TRPC6: variants seen among roughly 807,000 people sequenced by gnomAD.
The protein encoded by TRPC6 is transient receptor potential cation channel subfamily C member 6.
In TRPC6, 55 loss-of-function variants were observed where a neutral mutation model predicts 90.7. The ratio of observed to expected loss-of-function variants is 0.61; its 90% CI spans 0.49 to 0.76. The LOEUF (loss-of-function observed/expected upper bound fraction) is 0.76, where lower values mean the gene tolerates loss of function less well. TRPC6 is among the 30% of genes least tolerant of loss of function. TRPC6 has a pLI of 0.00. For missense variants in TRPC6, 989 were observed against 1,122.7 expected (o/e 0.88, Z 1.70); for synonymous variants, 393 against 393.0 (o/e 1.00, Z 0.00).
At position 101,565,116 on chromosome 11, in the gene TRPC6, T is replaced by C. The variant is rs535009839; in HGVS notation, c.170+18218A>G. On this transcript the variant is annotated intron_variant, in intron 1 of 12. Transcript: ENST00000344327. ...TAAGATCTTTCCCTAGAAGAACACATAGGAAAAAAGCTCCTTGACATTTGT... is the reference window on the plus strand; with the variant it reads ...TAAGATCTTTCCCTAGAAGAACACACAGGAAAAAAGCTCCTTGACATTTGT... Among the ~76,000 whole-genome samples, 9 of 152,072 alleles carry C rather than the reference T, an allele frequency of 5.9e-5. No individual in the cohort carries two copies. The East Asian group carries it at 1.5e-3, about 26-fold the overall frequency.
chr11:101,468,905 C>CA (rs1015104115), intron 10 of TRPC6, among the ~76,000 whole-genome samples: 17 of 152,066 alleles, frequency 1.1e-4, no homozygotes, highest in African/African-American at 3.9e-4. Flanking sequence ...GTACAGGCCA[C>CA]AAAAAAGGAA....
At chr11:101,505,570 G>A (rs1040889752) in intron 1 of TRPC6, among the ~76,000 whole-genome samples, 7 of 152,122 alleles carry the variant, frequency 4.6e-5, no homozygotes, top group Admixed American at 1.3e-4. Context: ...ATTAATATGG[G>A]CAATAAATGC....
At chr11:101,569,467 A>T (rs1861908501) in intron 1 of TRPC6, among the ~76,000 whole-genome samples, 1 of 152,180 alleles carries the variant, frequency 6.6e-6, no homozygotes. Context: ...AAAGAGACAA[A>T]AAATTAACAA....
chr11:101,469,314 A>T lies in TRPC6; in HGVS notation c.2484+113T>A, dbSNP rs1049135991. On this transcript the variant is annotated intron_variant, in intron 10 of 12. Coordinates refer to ENST00000344327, the MANE Select transcript of TRPC6 (RefSeq NM_004621.6). ...TGAGATTTGTTAAAATAGTTGAATTATTTAATGGGTCTGTTCTCTACTTGC... is the reference window on the plus strand; with the variant it reads ...TGAGATTTGTTAAAATAGTTGAATTTTTTAATGGGTCTGTTCTCTACTTGC... The T allele has an allele frequency of 1.2e-5, 8 of 658,100 alleles. No individual in the cohort carries two copies. The African/African-American group carries it at 1.5e-4, about 12-fold the overall frequency. The allele number at this position is 658,100 out of a possible 1,614,324, so 40.8% of individuals were successfully genotyped here.
At chr11:101,531,948 CTT>C (rs1203221709) in intron 1 of TRPC6, among the ~76,000 whole-genome samples, 1 of 152,126 alleles carries the variant, frequency 6.6e-6, no homozygotes, top group Non-Finnish European at 1.5e-5. Context: ...GTTAAGGAGA[CTT>C]GGGAAGGTGT....
chr11:101,507,083 A>G (rs1860291975), intron 1 of TRPC6, among the ~76,000 whole-genome samples: 1 of 150,632 alleles, frequency 6.6e-6, no homozygotes, highest in South Asian at 2.1e-4. Context: ...TCATTCCAGA[A>G]TTGTTATATC....
intron 1 of TRPC6, among the ~76,000 whole-genome samples, chr11:101,547,266 GTTAA>G (rs59087449): frequency 0.24 from 36,781 of 151,776 alleles, 4,723 homozygotes; most frequent in East Asian, 0.4. Flanking sequence ...ATTATTTTTA[GTTAA>G]TTAATGTTCC....
intron 1 of TRPC6, among the ~76,000 whole-genome samples, chr11:101,540,501 C>T (rs759300271): frequency 2.6e-5 from 4 of 152,190 alleles, no homozygotes; most frequent in South Asian, 2.1e-4. Context: ...GCATCCTACA[C>T]GCTTGGAGTC....
At chr11:101,533,796 C>T (rs1362681479) in intron 1 of TRPC6, among the ~76,000 whole-genome samples, 1 of 152,120 alleles carries the variant, frequency 6.6e-6, no homozygotes, top group African/African-American at 2.4e-5. Flanking sequence ...CTTAGGATTC[C>T]ATTCCCTTCT....
At chr11:101,579,132 C>T (rs949429866) in intron 1 of TRPC6, among the ~76,000 whole-genome samples, 7 of 152,088 alleles carry the variant, frequency 4.6e-5, no homozygotes, top group Non-Finnish European at 2.9e-5. Flanking sequence ...TTACTCTTAA[C>T]GATGTTCATA....
rs1052808900 is a variant in TRPC6 at position 101,452,153 on chromosome 11, A to C, written c.*802T>G. On this transcript the variant is annotated 3_prime_UTR_variant, in exon 13 of 13. Transcript: ENST00000344327. ...TGTTTGGGGTTTTGATTTTTCTCCAATAAAAGGTACTTATTTAGACAGTAA... is the reference window on the plus strand; with the variant it reads ...TGTTTGGGGTTTTGATTTTTCTCCACTAAAAGGTACTTATTTAGACAGTAA... 6.6e-6 allele frequency: 1 copy of C among 152,160 alleles called. No individual in the cohort carries two copies. Among genetic ancestry groups the C allele is most frequent in the African/African-American group, 2.4e-5 (1 of 41,436 alleles). 9.4% of individuals were successfully genotyped at this position (152,160 alleles called of 1,614,324 possible). A position where few individuals can be genotyped will look rare whatever the true frequency, so the allele number is the denominator to read the frequency against.
Position 101,453,554 on chromosome 11 carries a change from T to C in TRPC6, c.2644+96A>G, listed in dbSNP as rs953130887. 2.5e-5 allele frequency: 30 copies of C among 1,178,694 alleles called. No homozygotes were observed. In the African/African-American group the frequency reaches 4.2e-4, roughly 17 times the overall value. 73.0% of individuals were successfully genotyped at this position (1,178,694 alleles called of 1,614,324 possible). ...CTACTTTTCCCCTTGAAGTTCACTC[T>C]CCCTGTACGCATCTCTGCAGCTCTC... is the stretch of plus-strand genomic sequence containing the variant. On this transcript the variant is annotated intron_variant, in intron 12 of 12. Coordinates refer to ENST00000344327, the MANE Select transcript of TRPC6 (RefSeq NM_004621.6).
chr11:101,498,076 T>A (rs1169816293), intron 2 of TRPC6, among the ~76,000 whole-genome samples: 1 of 152,178 alleles, frequency 6.6e-6, no homozygotes, highest in Non-Finnish European at 1.5e-5. Flanking sequence ...TCCCTGGTAT[T>A]GATCTCCTTG....
chr11:101,536,713 T>C (rs1220870601), intron 1 of TRPC6, among the ~76,000 whole-genome samples: 16 of 152,166 alleles, frequency 1.1e-4, no homozygotes, highest in Non-Finnish European at 4.4e-5. Flanking sequence ...GATGCCTCTC[T>C]GGGCTCAGTC....
intron 1 of TRPC6, among the ~76,000 whole-genome samples, chr11:101,574,713 T>C (rs574860745): frequency 2.1e-5 from 3 of 144,022 alleles, no homozygotes; most frequent in East Asian, 1.9e-4. Context: ...ATCTACTCTA[T>C]ACAAAATTCT....
At chr11:101,558,779 C>A (rs1052172462) in intron 1 of TRPC6, among the ~76,000 whole-genome samples, 1 of 152,120 alleles carries the variant, frequency 6.6e-6, no homozygotes, top group African/African-American at 2.4e-5. Context: ...AAAGGATAGT[C>A]TCTTCGATAA....
chr11:101,547,951 A>G (rs1185833474), intron 1 of TRPC6, among the ~76,000 whole-genome samples: 2 of 152,144 alleles, frequency 1.3e-5, no homozygotes, highest in African/African-American at 4.8e-5. Flanking sequence ...TTATGTCAAT[A>G]CATATGCTGC....
intron 10 of TRPC6, among the ~76,000 whole-genome samples, chr11:101,458,123 T>C (rs1031792319): frequency 6.6e-6 from 1 of 152,198 alleles, no homozygotes; most frequent in Admixed American, 6.5e-5. Context: ...ATTAAAGTTA[T>C]TATACAAAAT....
At position 101,471,270 on chromosome 11, in the gene TRPC6, A is replaced by G. The variant is rs1859286278; in HGVS notation, c.2322T>C (p.Phe774=). The G allele has an allele frequency of 6.2e-7, 1 of 1,613,898 alleles. No homozygotes were observed. Among genetic ancestry groups the G allele is most frequent in the African/African-American group, 1.3e-5 (1 of 74,916 alleles). The change falls in exon 9 of 13, where the codon TTT becomes TTC. Residue 774 remains phenylalanine (F), a synonymous_variant. Transcript: ENST00000344327. Reference sequence around the variant, plus strand: ...ATTTTTTAAGCTTCAGTAAGAGATAAAACAGGGACTTTGGACTCGGCACCA... The same window carrying G: ...ATTTTTTAAGCTTCAGTAAGAGATAGAACAGGGACTTTGGACTCGGCACCA... ...FNLVPSPKSL[F]YLLLKLKKWI... is the part of the protein sequence containing the mutation.
Sources: allele counts gnomAD v4.1 joint callset (sites outside exome capture counted in the v4.1 genomes callset), GRCh38; gene constraint gnomAD v4.1.1; transcripts MANE v1.5; gene names NCBI Gene and HGNC (gene_info 2026-07-23, HGNC 2026-07-21).